PPM1E: variants seen among roughly 807,000 people sequenced by gnomAD.
The protein encoded by PPM1E is protein phosphatase 1E.
Under a neutral mutation model 65.9 loss-of-function variants are expected in PPM1E, and 20 were observed. The observed-to-expected ratio is 0.30, with a 90% CI of 0.21 to 0.44. The LOEUF (loss-of-function observed/expected upper bound fraction) is 0.44. Ranked by LOEUF, PPM1E falls within the 20% of genes least tolerant of loss-of-function variation. The pLI, the probability that PPM1E is intolerant of heterozygous loss-of-function variation, is 1.00. For missense variants in PPM1E, 713 were observed against 953.1 expected (o/e 0.75, Z 3.32); for synonymous variants, 352 against 374.9 (o/e 0.94, Z 0.70).
At chr17:58,890,722 T>C (rs2051334742) in intron 1 of PPM1E, among the ~76,000 whole-genome samples, 2 of 152,194 alleles carry the variant, frequency 1.3e-5, no homozygotes, top group Non-Finnish European at 2.9e-5. Context: ...TGTTGTATTC[T>C]CACTATTCAG....
chr17:58,824,536 A>G (rs777078700), intron 1 of PPM1E, among the ~76,000 whole-genome samples: 2 of 151,792 alleles, frequency 1.3e-5, no homozygotes, highest in Admixed American at 6.6e-5. Flanking sequence ...TTCTACTTTT[A>G]TTAATGAATT....
chr17:58,808,356 T>C (rs1243067293), intron 1 of PPM1E, among the ~76,000 whole-genome samples: 1 of 152,208 alleles, frequency 6.6e-6, no homozygotes, highest in Non-Finnish European at 1.5e-5. Context: ...GGATTGTTAT[T>C]GAAATTATAT....
chr17:58,771,719 A>G (rs2049941112), intron 1 of PPM1E, among the ~76,000 whole-genome samples: 1 of 151,958 alleles, frequency 6.6e-6, no homozygotes, highest in African/African-American at 2.4e-5. Flanking sequence ...CAATGAGTTT[A>G]TTTTCTTATT....
rs2030213602 is a variant in PPM1E at position 58,966,025 on chromosome 17, A to C, written c.783+132A>C. ...GGTAGATTAGAGTAGGGCTAAGTGC[A>C]AAGTGGCACAAATTTGCAACAGAAA... On this transcript the variant is annotated intron_variant, in intron 3 of 6. Coordinates refer to ENST00000308249, the MANE Select transcript of PPM1E (RefSeq NM_014906.5). 1.8e-5 allele frequency: 16 copies of C among 899,692 alleles called. No homozygotes were observed. The South Asian group carries it at 2.6e-4, about 15-fold the overall frequency. 55.7% of individuals were successfully genotyped at this position (899,692 alleles called of 1,614,324 possible).
At chr17:58,916,245 A>G (rs1040375133) in intron 1 of PPM1E, among the ~76,000 whole-genome samples, 2 of 152,244 alleles carry the variant, frequency 1.3e-5, no homozygotes, top group African/African-American at 4.8e-5. Context: ...GTTGTTGTAA[A>G]GTTTAAAAGA....
chr17:58,810,033 C>CT (rs34694297), intron 1 of PPM1E, among the ~76,000 whole-genome samples: 1 of 151,924 alleles, frequency 6.6e-6, no homozygotes, highest in Non-Finnish European at 1.5e-5. Flanking sequence ...ATTTTACAGT[C>CT]TTTTTTTGTA....
intron 1 of PPM1E, among the ~76,000 whole-genome samples, chr17:58,783,619 A>G (rs2050069946): frequency 6.6e-6 from 1 of 152,230 alleles, no homozygotes; most frequent in Non-Finnish European, 1.5e-5. Flanking sequence ...CTGGGACATA[A>G]GCCCAAAAGA....
chr17:58,778,186 G>A (rs185208510), intron 1 of PPM1E, among the ~76,000 whole-genome samples: 7 of 151,890 alleles, frequency 4.6e-5, no homozygotes, highest in East Asian at 1.9e-4. Context: ...TGCAAACTCC[G>A]CCTGGCAGGT....
chr17:58,951,790 C>G (rs1368387334), intron 1 of PPM1E, among the ~76,000 whole-genome samples: 1 of 151,936 alleles, frequency 6.6e-6, no homozygotes, highest in Non-Finnish European at 1.5e-5. Flanking sequence ...TATCGTGAGA[C>G]CTTCATCTCA....
intron 1 of PPM1E, among the ~76,000 whole-genome samples, chr17:58,894,160 C>T (rs1323274724): frequency 2.6e-5 from 4 of 152,140 alleles, no homozygotes; most frequent in East Asian, 3.9e-4. Context: ...CTCGCTCTGT[C>T]GCTCAGGCTG....
At chr17:58,946,169 T>C (rs1213136342) in intron 1 of PPM1E, among the ~76,000 whole-genome samples, 1 of 151,772 alleles carries the variant, frequency 6.6e-6, no homozygotes, top group Non-Finnish European at 1.5e-5. Flanking sequence ...TTCCAAGGGA[T>C]TTAGAAGCTC....
chr17:58,926,211 C>T (rs970354202), intron 1 of PPM1E, among the ~76,000 whole-genome samples: 3 of 151,758 alleles, frequency 2.0e-5, no homozygotes, highest in Admixed American at 6.6e-5. Context: ...CGTGGTGGCA[C>T]GTGCCTGTAG....
chr17:58,816,783 TA>T (rs2050427031), intron 1 of PPM1E, among the ~76,000 whole-genome samples: 77 of 12,010 alleles, frequency 6.4e-3, no homozygotes, highest in Non-Finnish European at 9.6e-3. Context: ...TATATATATA[TA>T]TATATATATA....
chr17:58,816,552 TC>T (rs889879138), intron 1 of PPM1E, among the ~76,000 whole-genome samples: 14 of 151,106 alleles, frequency 9.3e-5, no homozygotes, highest in Non-Finnish European at 1.6e-4. Flanking sequence ...TTCCATTTCT[TC>T]CTTCCCCCAT....
chr17:58,841,095 C>T (rs1010542939), intron 1 of PPM1E, among the ~76,000 whole-genome samples: 2 of 152,164 alleles, frequency 1.3e-5, no homozygotes, highest in African/African-American at 4.8e-5. Flanking sequence ...GGGCACCCCC[C>T]TTGTTGTTGC....
chr17:58,830,197 C>T (rs937552769), intron 1 of PPM1E, among the ~76,000 whole-genome samples: 2 of 151,982 alleles, frequency 1.3e-5, no homozygotes, highest in Non-Finnish European at 2.9e-5. Flanking sequence ...AAAAACAAAA[C>T]GAACAACAAA....
intron 1 of PPM1E, among the ~76,000 whole-genome samples, chr17:58,876,158 T>G (rs1043307452): frequency 6.6e-6 from 1 of 152,188 alleles, no homozygotes; most frequent in African/African-American, 2.4e-5. Context: ...CATTCACTGG[T>G]AGTATATCTG....
At chr17:58,930,016 A>T (rs1169833981) in intron 1 of PPM1E, among the ~76,000 whole-genome samples, 3 of 152,016 alleles carry the variant, frequency 2.0e-5, no homozygotes, top group African/African-American at 7.3e-5. Flanking sequence ...TGTTTTGAAA[A>T]TTTACTTGTT....
intron 3 of PPM1E, chr17:58,966,418 TAAAAAAAAAAAAA>T (rs55779609): frequency 9.0e-5 from 11 of 122,462 alleles, no homozygotes; most frequent in East Asian, 2.6e-4. Flanking sequence ...AGCAGTTTTG[TAAAAAAAAAAAAA>T]AAAAAAAAAA....
Sources: allele counts gnomAD v4.1 joint callset (sites outside exome capture counted in the v4.1 genomes callset), GRCh38; gene constraint gnomAD v4.1.1; transcripts MANE v1.5; gene names NCBI Gene and HGNC (gene_info 2026-07-23, HGNC 2026-07-21).